Variants in DENND1B observed in about 807,000 individuals in gnomAD.
DENND1B encodes the protein DENN domain-containing protein 1B.
DENND1B carries 59 observed loss-of-function variants against 90.1 expected under a neutral mutation model. That is an observed-to-expected ratio of 0.65 (90% CI 0.53 to 0.81). The LOEUF is 0.81. Among genes scored for constraint, DENND1B ranks in the 40% least tolerant of loss-of-function variants. DENND1B has a pLI of 0.00. For missense variants in DENND1B, 862 were observed against 912.6 expected (o/e 0.94, Z 0.71); for synonymous variants, 337 against 324.6 (o/e 1.04, Z -0.41).
In DENND1B at chr1:197,506,806, C is replaced by T. The variant is rs1353716159; in HGVS notation, c.*3654G>A. ...ATAAAAATAGTAAAAATTGGATTCC[C>T]ATTAACATGCATCCACACCTTCAGT... On this transcript the variant is annotated 3_prime_UTR_variant, in exon 23 of 23. Transcript: ENST00000620048. The T allele has an allele frequency of 6.6e-6, 1 of 151,364 alleles. No individual in the cohort carries two copies. The highest frequency in any genetic ancestry group is 1.5e-5 in the Non-Finnish European group (1 of 67,556). The allele number at this position is 151,364 out of a possible 1,614,324, so 9.4% of individuals were successfully genotyped here.
At chr1:197,758,852 T>A (rs1354899928) in intron 2 of DENND1B, among the ~76,000 whole-genome samples, 1 of 152,004 alleles carries the variant, frequency 6.6e-6, no homozygotes, top group Non-Finnish European at 1.5e-5. Flanking sequence ...CTACATCTTA[T>A]GAAATTCTCT....
intron 10 of DENND1B, among the ~76,000 whole-genome samples, chr1:197,622,313 A>T (rs1678246138): frequency 6.6e-6 from 1 of 151,408 alleles, no homozygotes; most frequent in Non-Finnish European, 1.5e-5. Flanking sequence ...TACTTATCAG[A>T]TCAAGGCACT....
At chr1:197,530,894 A>G (rs543097364) in intron 20 of DENND1B, among the ~76,000 whole-genome samples, 32 of 152,264 alleles carry the variant, frequency 2.1e-4, no homozygotes, top group African/African-American at 7.0e-4. Flanking sequence ...TACCTTTTTC[A>G]AAGTTAAGTT....
At chr1:197,516,650 A>G (rs1181803186) in intron 20 of DENND1B, among the ~76,000 whole-genome samples, 1 of 151,708 alleles carries the variant, frequency 6.6e-6, no homozygotes, top group Admixed American at 6.6e-5. Context: ...CTTAAAAATA[A>G]AGGTCTTTTG....
At chr1:197,599,219 C>A (rs1172371005) in intron 13 of DENND1B, among the ~76,000 whole-genome samples, 2 of 151,670 alleles carry the variant, frequency 1.3e-5, no homozygotes, top group Non-Finnish European at 2.9e-5. Flanking sequence ...GGACAGTAAG[C>A]CAGGAAGGCA....
intron 2 of DENND1B, chr1:197,735,902 T>TATA: frequency 6.5e-7 from 1 of 1,534,526 alleles, no homozygotes; most frequent in Non-Finnish European, 9.0e-7. Context: ...CTCCTGCTGA[T>TATA]ATAATGGCCA....
Position 197,746,477 on chromosome 1 carries a change from G to T in DENND1B, c.82+26391C>A, listed in dbSNP as rs77936326. On this transcript the variant is annotated intron_variant, in intron 2 of 22. Coordinates refer to ENST00000620048, the MANE Select transcript of DENND1B (RefSeq NM_001195215.2). ...CAGCAAAACTGATTTTATACCATGG[G>T]TCTATACAAATAAATAAACAAAATT... is the stretch of plus-strand genomic sequence containing the variant. Among the ~76,000 whole-genome samples the T allele has an allele frequency of 9.2e-3, 1,396 of 152,162 alleles. 20 individuals are homozygous for T. Among genetic ancestry groups the T allele is most frequent in the African/African-American group, 0.031 (1,274 of 41,522 alleles).
chr1:197,610,887 G>A (rs1340409452), intron 12 of DENND1B, among the ~76,000 whole-genome samples: 1 of 150,488 alleles, frequency 6.6e-6, no homozygotes, highest in Non-Finnish European at 1.5e-5. Context: ...TTTTGTTATT[G>A]TTGAAACAAA....
Position 197,751,985 on chromosome 1 carries a change from G to A in DENND1B, c.82+20883C>T, listed in dbSNP as rs977689379. On this transcript the variant is annotated intron_variant, in intron 2 of 22. Coordinates refer to ENST00000620048, the MANE Select transcript of DENND1B (RefSeq NM_001195215.2). The stretch of plus-strand genomic sequence containing the variant: ...GGGAGGAGGAGGAGAAGGAGAAGAA[G>A]AAGAAGAAGAAGTAGAAGGAGGAGA... Among the ~76,000 whole-genome samples, 9 of 150,262 alleles carry A rather than the reference G, an allele frequency of 6.0e-5. 1 individual carries two copies. Among genetic ancestry groups the A allele is most frequent in the African/African-American group, 2.2e-4 (9 of 40,580 alleles).
chr1:197,674,913 T>A (rs1183972030), intron 3 of DENND1B, among the ~76,000 whole-genome samples: 1 of 152,072 alleles, frequency 6.6e-6, no homozygotes, highest in Non-Finnish European at 1.5e-5. Flanking sequence ...TAACAGTCAT[T>A]AAAAATAATT....
chr1:197,514,189 T>C (rs982575290), intron 20 of DENND1B, among the ~76,000 whole-genome samples: 1 of 151,674 alleles, frequency 6.6e-6, no homozygotes, highest in Admixed American at 6.6e-5. Context: ...TCTAGAGCAT[T>C]CCTTCTATAT....
At chr1:197,667,912 G>C (rs1392263775) in intron 5 of DENND1B, among the ~76,000 whole-genome samples, 1 of 151,948 alleles carries the variant, frequency 6.6e-6, no homozygotes, top group Non-Finnish European at 1.5e-5. Flanking sequence ...CAGAGTTTTA[G>C]AGCAGGAAAA....
intron 3 of DENND1B, among the ~76,000 whole-genome samples, chr1:197,681,423 T>C (rs1195882622): frequency 6.6e-6 from 1 of 152,162 alleles, no homozygotes; most frequent in African/African-American, 2.4e-5. Context: ...TATCAACAGA[T>C]ATTTTCAATT....
intron 2 of DENND1B, among the ~76,000 whole-genome samples, chr1:197,770,494 T>G (rs759271894): frequency 2.2e-4 from 33 of 151,632 alleles, no homozygotes; most frequent in African/African-American, 7.7e-4. Context: ...CATGCATAGA[T>G]TGGGTGTTAT....
chr1:197,589,129 C>T (rs1674964766), intron 14 of DENND1B, among the ~76,000 whole-genome samples: 1 of 151,986 alleles, frequency 6.6e-6, no homozygotes, highest in African/African-American at 2.4e-5. Flanking sequence ...TAACTTTGTT[C>T]ATACTATTAA....
At chr1:197,725,979 GACTCAGATATA>G (rs1426883730) in intron 2 of DENND1B, among the ~76,000 whole-genome samples, 1 of 151,648 alleles carries the variant, frequency 6.6e-6, no homozygotes, top group Non-Finnish European at 1.5e-5. Flanking sequence ...ATATATGAAT[GACTCAGATATA>G]TATATATACA....
chr1:197,616,736 C>T (rs2125860529), intron 11 of DENND1B, among the ~76,000 whole-genome samples: 1 of 151,184 alleles, frequency 6.6e-6, no homozygotes, highest in Non-Finnish European at 1.5e-5. Flanking sequence ...TAAATGAGTG[C>T]ATTGATTCTA....
At chr1:197,624,053 T>C (rs1678420410) in intron 10 of DENND1B, among the ~76,000 whole-genome samples, 1 of 151,572 alleles carries the variant, frequency 6.6e-6, no homozygotes, top group Admixed American at 6.6e-5. Flanking sequence ...GCAAGTTTTC[T>C]TGTGGAAAAC....
chr1:197,555,463 C>A (rs1476773498), intron 15 of DENND1B, among the ~76,000 whole-genome samples: 1 of 151,790 alleles, frequency 6.6e-6, no homozygotes, highest in Non-Finnish European at 1.5e-5. Flanking sequence ...ACTATGCATC[C>A]AACAAAGGAC....
Sources: allele counts gnomAD v4.1 joint callset (sites outside exome capture counted in the v4.1 genomes callset), GRCh38; gene constraint gnomAD v4.1.1; transcripts MANE v1.5; gene names NCBI Gene and HGNC (gene_info 2026-07-23, HGNC 2026-07-21).